The following SLC67A2 variants were observed in gnomAD, a reference collection of about 807,000 sequenced individuals.
The protein encoded by SLC67A2 is solute carrier family 67 member 2.
the SLC67A2 span, among the ~76,000 whole-genome samples, chr2:102,722,001 C>T: frequency 1.0e-3 from 154 of 152,346 alleles, no homozygotes; most frequent in Non-Finnish European, 2.0e-3. Flanking sequence ...CCACTGCACC[C>T]GGCCCAATGT....
At chr2:102,725,717 C>T in the SLC67A2 span, among the ~76,000 whole-genome samples, 12 of 150,646 alleles carry the variant, frequency 8.0e-5, 1 homozygote, top group East Asian at 2.1e-3. Flanking sequence ...GTTGGGGGGG[C>T]TGAACTCTAC....
At chr2:102,724,738 G>A in the SLC67A2 span, among the ~76,000 whole-genome samples, 11 of 152,270 alleles carry the variant, frequency 7.2e-5, no homozygotes, top group Middle Eastern at 3.4e-3. Flanking sequence ...GTGATCTCCC[G>A]TGGGCAGTCT....
the SLC67A2 span, chr2:102,718,527 C>T: frequency 4.0e-5 from 65 of 1,613,310 alleles, no homozygotes; most frequent in African/African-American, 4.3e-4. Flanking sequence ...CTGGGGGGGC[C>T]GCAAGGGCTG....
At chr2:102,726,816 GAAAAAAA>G in the SLC67A2 span, 2 of 1,303,050 alleles carry the variant, frequency 1.5e-6, no homozygotes, top group South Asian at 1.7e-5. Context: ...AGCTACGTTT[GAAAAAAA>G]AAAAAAAAAA....
chr2:102,722,699 T>C, the SLC67A2 span, among the ~76,000 whole-genome samples: 1 of 152,058 alleles, frequency 6.6e-6, no homozygotes, highest in African/African-American at 2.4e-5. Context: ...GGTAGAAGCT[T>C]CTTGAAATTG....
At chr2:102,736,825 G>A in the SLC67A2 span, 544 of 1,590,834 alleles carry the variant, frequency 3.4e-4, 1 homozygote, top group African/African-American at 6.5e-3. Flanking sequence ...GCGCCGGCCG[G>A]GGGTCGGACG....
the SLC67A2 span, among the ~76,000 whole-genome samples, chr2:102,724,578 C>T: frequency 1.3e-5 from 2 of 152,208 alleles, no homozygotes; most frequent in Admixed American, 6.5e-5. Flanking sequence ...CTAGACCCCC[C>T]ACGTGCAGAA....
the SLC67A2 span, among the ~76,000 whole-genome samples, chr2:102,729,578 C>A: frequency 6.6e-6 from 1 of 152,138 alleles, no homozygotes; most frequent in Non-Finnish European, 1.5e-5. Flanking sequence ...AAGTGCACTG[C>A]TCTCCTGTAC....
At chr2:102,723,826 G>A in the SLC67A2 span, 1 of 1,614,168 alleles carries the variant, frequency 6.2e-7, no homozygotes, top group Non-Finnish European at 8.5e-7. Context: ...GTGTTGAAGT[G>A]TCCGATTACA....
At chr2:102,732,381 GGC>G in the SLC67A2 span, 115 of 1,613,002 alleles carry the variant, frequency 7.1e-5, no homozygotes, top group Non-Finnish European at 9.3e-5. Flanking sequence ...GCTCAATAAA[GGC>G]ACAACCATGC....
At chr2:102,733,240 T>C in the SLC67A2 span, among the ~76,000 whole-genome samples, 2 of 152,240 alleles carry the variant, frequency 1.3e-5, no homozygotes, top group Non-Finnish European at 2.9e-5. Flanking sequence ...GGTTACCTGC[T>C]ACAGTTGGTT....
At chr2:102,727,292 T>C in the SLC67A2 span, among the ~76,000 whole-genome samples, 1 of 152,174 alleles carries the variant, frequency 6.6e-6, no homozygotes, top group South Asian at 2.1e-4. Context: ...CCATTCTCAT[T>C]ACTTTATAAA....
the SLC67A2 span, among the ~76,000 whole-genome samples, chr2:102,724,445 C>A: frequency 6.6e-6 from 1 of 152,132 alleles, no homozygotes; most frequent in Non-Finnish European, 1.5e-5. Flanking sequence ...GATTTCCTAC[C>A]AGTAAGAGGC....
At chr2:102,726,876 C>T in the SLC67A2 span, 3 of 1,587,478 alleles carry the variant, frequency 1.9e-6, no homozygotes, top group Non-Finnish European at 2.6e-6. Context: ...CAAACAGAAA[C>T]ACATTGGTGG....
chr2:102,723,306 C>T, the SLC67A2 span, among the ~76,000 whole-genome samples: 13 of 152,092 alleles, frequency 8.5e-5, no homozygotes, highest in Non-Finnish European at 1.9e-4. Context: ...CCCGTCTCTA[C>T]TAAAAATACA....
At chr2:102,731,073 A>G in the SLC67A2 span, 1 of 1,613,336 alleles carries the variant, frequency 6.2e-7, no homozygotes, top group East Asian at 2.2e-5. Context: ...AGGAGCCTGT[A>G]AAAAACAAAT....
chr2:102,734,518 G>A, the SLC67A2 span, among the ~76,000 whole-genome samples: 2 of 151,574 alleles, frequency 1.3e-5, no homozygotes, highest in Non-Finnish European at 2.9e-5. Flanking sequence ...AAGAATCTTA[G>A]AGGTCTCTAC....
the SLC67A2 span, among the ~76,000 whole-genome samples, chr2:102,722,491 T>C: frequency 6.6e-6 from 1 of 152,248 alleles, no homozygotes; most frequent in African/African-American, 2.4e-5. Context: ...ACTTCCATAA[T>C]TGTATTTAAA....
chr2:102,735,719 A>G, the SLC67A2 span, among the ~76,000 whole-genome samples: 1 of 152,190 alleles, frequency 6.6e-6, no homozygotes, highest in African/African-American at 2.4e-5. Context: ...ACTGTGGATT[A>G]CAATAGTGAA....
Sources: allele counts gnomAD v4.1 joint callset (sites outside exome capture counted in the v4.1 genomes callset), GRCh38; gene constraint gnomAD v4.1.1; transcripts MANE v1.5; gene names NCBI Gene and HGNC (gene_info 2026-07-23, HGNC 2026-07-21).